Variants in CDH18 observed in about 807,000 individuals in gnomAD.
The protein encoded by CDH18 is cadherin 18.
Under a neutral mutation model 67.9 loss-of-function variants are expected in CDH18, and 31 were observed. The ratio of observed to expected loss-of-function variants is 0.46; its 90% CI spans 0.34 to 0.62. The LOEUF is 0.62. Ranked by LOEUF, CDH18 falls within the 20% of genes least tolerant of loss-of-function variation. The pLI, the probability that CDH18 is intolerant of heterozygous loss-of-function variation, is 0.01. For missense variants in CDH18, 890 were observed against 975.5 expected (o/e 0.91, Z 1.17); for synonymous variants, 362 against 347.2 (o/e 1.04, Z -0.48).
chr5:19,846,830 T>A (rs927647431), intron 2 of CDH18, among the ~76,000 whole-genome samples: 2 of 152,150 alleles, frequency 1.3e-5, no homozygotes, highest in African/African-American at 4.8e-5. Flanking sequence ...ATGAACTCCC[T>A]CAGTATTTAG....
intron 2 of CDH18, among the ~76,000 whole-genome samples, chr5:19,935,761 T>C (rs1366533079): frequency 6.7e-6 from 1 of 150,322 alleles, no homozygotes; most frequent in African/African-American, 2.4e-5. Context: ...TGGTTGTTCA[T>C]AAGCACTGAG....
chr5:20,043,238 C>T (rs909546720), intron 2 of CDH18, among the ~76,000 whole-genome samples: 2 of 152,076 alleles, frequency 1.3e-5, no homozygotes, highest in Non-Finnish European at 2.9e-5. Context: ...GGCTGGAAAC[C>T]ATTGATTTAA....
intron 1 of CDH18, among the ~76,000 whole-genome samples, chr5:20,486,425 T>C (rs1753182383): frequency 6.6e-6 from 1 of 152,056 alleles, no homozygotes; most frequent in Admixed American, 6.6e-5. Context: ...ATATACATTT[T>C]ACTCTATCTT....
intron 2 of CDH18, among the ~76,000 whole-genome samples, chr5:19,926,692 T>C (rs1170955195): frequency 6.6e-6 from 1 of 152,122 alleles, no homozygotes; most frequent in Admixed American, 6.6e-5. Flanking sequence ...TTCCATTAGA[T>C]AGTTTACAAA....
intron 1 of CDH18, among the ~76,000 whole-genome samples, chr5:20,458,948 C>A (rs1174028065): frequency 6.6e-6 from 1 of 152,104 alleles, no homozygotes; most frequent in African/African-American, 2.4e-5. Flanking sequence ...GAATATTCCA[C>A]ATAGTTCTTT....
Position 20,565,219 on chromosome 5 carries a change from C to G in CDH18, c.-580+10243G>C, listed in dbSNP as rs73767805. ...TGTGAACTGGCCTTGTTTTGAGAAC[C>G]AGTTAAGGGGCCGTGATTTTTCATT... On this transcript the variant is annotated intron_variant, in intron 1 of 14. Coordinates refer to the CDH18 transcript ENST00000507958. Among the ~76,000 whole-genome samples, 494 of 152,154 alleles carry G rather than the reference C, an allele frequency of 3.2e-3. 3 individuals carry two copies. The highest frequency in any genetic ancestry group is 0.011 in the African/African-American group (470 of 41,500).
intron 1 of CDH18, among the ~76,000 whole-genome samples, chr5:20,414,508 A>T (rs1458329303): frequency 6.6e-6 from 1 of 152,154 alleles, no homozygotes; most frequent in Non-Finnish European, 1.5e-5. Flanking sequence ...TCCTATTATT[A>T]TGTTCACTCT....
At chr5:20,391,824 A>C (rs945353073) in intron 1 of CDH18, among the ~76,000 whole-genome samples, 1 of 152,048 alleles carries the variant, frequency 6.6e-6, no homozygotes, top group Admixed American at 6.6e-5. Context: ...GCCATTTTTT[A>C]TACCCAATCT....
At chr5:19,592,853 C>A (rs1038198125) in intron 6 of CDH18, among the ~76,000 whole-genome samples, 1 of 151,972 alleles carries the variant, frequency 6.6e-6, no homozygotes, top group Non-Finnish European at 1.5e-5. Flanking sequence ...TGGTAACAAC[C>A]ACTCCATTCT....
At chr5:20,151,321 A>G (rs912405521) in intron 2 of CDH18, among the ~76,000 whole-genome samples, 9 of 152,078 alleles carry the variant, frequency 5.9e-5, no homozygotes, top group African/African-American at 2.2e-4. Flanking sequence ...ACATAATTGT[A>G]TTCCTTTTTA....
chr5:19,693,788 C>T (rs968913965), intron 5 of CDH18, among the ~76,000 whole-genome samples: 10 of 151,450 alleles, frequency 6.6e-5, no homozygotes, highest in African/African-American at 1.2e-4. Context: ...CCCAGCTACT[C>T]GGGAGGCTGA....
At chr5:20,148,398 A>C (rs1036815931) in intron 2 of CDH18, among the ~76,000 whole-genome samples, 4 of 152,190 alleles carry the variant, frequency 2.6e-5, no homozygotes, top group Non-Finnish European at 4.4e-5. Flanking sequence ...TGCCTGGCCT[A>C]GTGTCTTTTT....
chr5:19,903,959 A>T (rs552647667), intron 2 of CDH18, among the ~76,000 whole-genome samples: 7 of 152,192 alleles, frequency 4.6e-5, no homozygotes, highest in African/African-American at 1.7e-4. Flanking sequence ...ATAAAGCCAC[A>T]TAAACTAACA....
At chr5:20,328,875 G>T (rs1327977212) in intron 1 of CDH18, among the ~76,000 whole-genome samples, 1 of 152,076 alleles carries the variant, frequency 6.6e-6, no homozygotes, top group Non-Finnish European at 1.5e-5. Flanking sequence ...CAGGTAATTG[G>T]GAAGATGAGG....
chr5:19,965,423 A>G (rs1029606473), intron 2 of CDH18, among the ~76,000 whole-genome samples: 3 of 152,186 alleles, frequency 2.0e-5, no homozygotes, highest in Non-Finnish European at 4.4e-5. Flanking sequence ...AATGTTTTAA[A>G]TGGCTTGATG....
chr5:19,849,685 CAT>C (rs569759020), intron 2 of CDH18, among the ~76,000 whole-genome samples: 144 of 13,428 alleles, frequency 0.011, 17 homozygotes, highest in Middle Eastern at 0.062. Flanking sequence ...TATATATAAA[CAT>C]ATATATATAC....
chr5:19,788,949 T>C (rs1021502165), intron 3 of CDH18, among the ~76,000 whole-genome samples: 11 of 152,182 alleles, frequency 7.2e-5, no homozygotes, highest in Non-Finnish European at 1.6e-4. Context: ...GGGATTGTTT[T>C]TGGGGTGTCA....
intron 1 of CDH18, among the ~76,000 whole-genome samples, chr5:20,388,296 G>A (rs546314144): frequency 1.6e-4 from 25 of 152,310 alleles, no homozygotes; most frequent in African/African-American, 6.0e-4. Context: ...TTAGTCTTGG[G>A]AGGGTGTATG....
chr5:19,897,084 G>A (rs981180232), intron 2 of CDH18, among the ~76,000 whole-genome samples: 1 of 151,888 alleles, frequency 6.6e-6, no homozygotes, highest in African/African-American at 2.4e-5. Context: ...ATATGTTAAG[G>A]TAAAATATAT....
Sources: allele counts gnomAD v4.1 joint callset (sites outside exome capture counted in the v4.1 genomes callset), GRCh38; gene constraint gnomAD v4.1.1; transcripts MANE v1.5; gene names NCBI Gene and HGNC (gene_info 2026-07-23, HGNC 2026-07-21).